Variants in ARSG observed in about 807,000 individuals in gnomAD.
ARSG encodes ASG.
A neutral mutation model predicts 50.5 loss-of-function variants in ARSG; 37 were observed. The observed-to-expected ratio is 0.73, with a 90% CI of 0.56 to 0.96. The LOEUF is 0.96. Among genes scored for constraint, ARSG ranks in the 50% least tolerant of loss-of-function variants. The pLI, the probability that ARSG is intolerant of heterozygous loss-of-function variation, is 0.00. For missense variants in ARSG, 629 were observed against 675.3 expected (o/e 0.93, Z 0.76); for synonymous variants, 225 against 254.6 (o/e 0.88, Z 1.11).
chr17:68,450,675 G>T, the ARSG span: 5 of 1,543,384 alleles, frequency 3.2e-6, no homozygotes, highest in South Asian at 2.5e-5. Flanking sequence ...CCATCTTTTT[G>T]TTTGGCTCCC....
chr17:68,425,119 G>C (rs12948224), downstream of ARSG, among the ~76,000 whole-genome samples: 35,818 of 152,200 alleles, frequency 0.24, 4,267 homozygotes, highest in Middle Eastern at 0.3. Context: ...GTGGGAACAG[G>C]CTGAGCAGGT....
At chr17:68,346,700 A>G in intron 3 of ARSG, 1 of 1,216,166 alleles carries the variant, frequency 8.2e-7, no homozygotes, top group Non-Finnish European at 1.0e-6. Context: ...TGATGAAACC[A>G]GGCAGGAAGC....
intron 1 of ARSG, among the ~76,000 whole-genome samples, chr17:68,265,156 GAAAAAAA>G (rs369928777): frequency 1.1e-3 from 82 of 73,678 alleles, no homozygotes; most frequent in Middle Eastern, 8.9e-3. Context: ...CTCCATCTCA[GAAAAAAA>G]AAAAAAAAAG....
intron 6 of ARSG, among the ~76,000 whole-genome samples, chr17:68,363,894 A>C (rs2079415864): frequency 6.6e-6 from 1 of 152,136 alleles, no homozygotes; most frequent in Non-Finnish European, 1.5e-5. Flanking sequence ...TTATTGCAGC[A>C]GTCCATTTCA....
downstream of ARSG, among the ~76,000 whole-genome samples, chr17:68,423,829 A>G (rs2147696317): frequency 6.6e-6 from 1 of 152,336 alleles, no homozygotes; most frequent in Admixed American, 6.5e-5. The surrounding 1 kb of genome is among the most constrained non-coding windows in gnomAD (Gnocchi z 4.4). Flanking sequence ...TAATATCCAC[A>G]TTACCCCAAT....
At chr17:68,356,322 C>T (rs964637660) in intron 5 of ARSG, among the ~76,000 whole-genome samples, 1 of 152,200 alleles carries the variant, frequency 6.6e-6, no homozygotes, top group African/African-American at 2.4e-5. Context: ...AATGGGGCTA[C>T]TGATTGGTGG....
chr17:68,417,668 A>G (rs2082459651), intron 11 of ARSG, among the ~76,000 whole-genome samples: 1 of 146,288 alleles, frequency 6.8e-6, no homozygotes, highest in African/African-American at 2.5e-5. Context: ...CTGTCTCTCT[A>G]ATTTTGGGGG....
chr17:68,314,811 C>T (rs1375016169), intron 2 of ARSG, among the ~76,000 whole-genome samples: 1 of 152,194 alleles, frequency 6.6e-6, no homozygotes, highest in African/African-American at 2.4e-5. Context: ...GTTATTGTTA[C>T]TAGAAATGTC....
At chr17:68,340,155 T>C (rs1242281545) in intron 2 of ARSG, among the ~76,000 whole-genome samples, 1 of 152,154 alleles carries the variant, frequency 6.6e-6, no homozygotes, top group Non-Finnish European at 1.5e-5. Context: ...AATGTTTAAT[T>C]ACGAATTTTT....
In ARSG at chr17:68,384,852, G is replaced by A. The variant is rs75755428; in HGVS notation, c.983-212G>A. On this transcript the variant is annotated intron_variant, in intron 8 of 11. Coordinates refer to ENST00000621439, the MANE Select transcript of ARSG (RefSeq NM_001267727.2). Reference sequence around the variant, plus strand: ...AAATGAGGTGATTCAGTAGAGTGAGGCAACTTTTTACATCTGAAGTCCAGT... The same window carrying A: ...AAATGAGGTGATTCAGTAGAGTGAGACAACTTTTTACATCTGAAGTCCAGT... 0.051 allele frequency among the ~76,000 whole-genome samples: 7,802 copies of A among 152,192 alleles called. 411 individuals carry two copies. The highest frequency in any genetic ancestry group is 0.15 in the East Asian group (796 of 5,178).
At chr17:68,418,137 G>A (rs1407921453) in intron 11 of ARSG, among the ~76,000 whole-genome samples, 2 of 152,090 alleles carry the variant, frequency 1.3e-5, no homozygotes, top group South Asian at 2.1e-4. Flanking sequence ...CTATTTAGTC[G>A]TCCTTAAAAA....
intron 11 of ARSG, among the ~76,000 whole-genome samples, chr17:68,402,959 A>G (rs965534452): frequency 6.9e-4 from 105 of 152,366 alleles, no homozygotes; most frequent in African/African-American, 2.5e-3. Context: ...AAATAAAAAA[A>G]GGAAAACCTG....
chr17:68,313,028 G>A (rs1181756210), intron 2 of ARSG, among the ~76,000 whole-genome samples: 3 of 152,142 alleles, frequency 2.0e-5, no homozygotes, highest in African/African-American at 2.4e-5. Context: ...TTGGGAGGCC[G>A]AGGCGGGCAG....
intron 1 of ARSG, among the ~76,000 whole-genome samples, chr17:68,262,547 T>C (rs1290300875): frequency 2.7e-5 from 4 of 149,410 alleles, no homozygotes; most frequent in Non-Finnish European, 5.9e-5. Flanking sequence ...CATCAGGCAG[T>C]TCATGCAGGG....
chr17:68,370,016 ATATT>A (rs1269641617), intron 7 of ARSG, among the ~76,000 whole-genome samples: 1 of 151,826 alleles, frequency 6.6e-6, no homozygotes, highest in African/African-American at 2.4e-5. Flanking sequence ...TTATTTATTT[ATATT>A]TATTTATTTT....
At chr17:68,400,630 C>A (rs1192440398) in intron 10 of ARSG, 1 of 152,248 alleles carries the variant, frequency 6.6e-6, no homozygotes, top group East Asian at 1.9e-4. Flanking sequence ...GCCTTGTGGG[C>A]CTGTGACCGG....
At position 68,364,183 on chromosome 17, in the gene ARSG, G is replaced by A. The variant is rs538739550; in HGVS notation, c.705-4365G>A. 2.6e-5 allele frequency among the ~76,000 whole-genome samples: 4 copies of A among 152,098 alleles called. No individual in the cohort carries two copies. The East Asian group carries it at 7.7e-4, about 29-fold the overall frequency. ...TCTCCACACCCTGCCCCATCCTCTT[G>A]CTCTCCTGGAATGTCCCCTCTGTCA... On this transcript the variant is annotated intron_variant, in intron 6 of 11. Transcript: ENST00000621439.
At chr17:68,335,755 T>G (rs1328254016) in intron 2 of ARSG, among the ~76,000 whole-genome samples, 1 of 151,954 alleles carries the variant, frequency 6.6e-6, no homozygotes, top group Non-Finnish European at 1.5e-5. Flanking sequence ...GAAGGTAGGA[T>G]AGTGGGGAGA....
downstream of ARSG, chr17:68,427,307 A>C: frequency 7.5e-7 from 1 of 1,340,864 alleles, no homozygotes; most frequent in Non-Finnish European, 1.1e-6. Context: ...TCATATATCT[A>C]GGACACCTTC....
Sources: gnomAD v4.1 joint callset for allele counts (sites outside exome capture counted in the v4.1 genomes callset) on GRCh38, gnomAD v4.1.1 for gene constraint, Gnocchi (gnomAD v3.1) non-coding constraint, MANE v1.5 for transcripts, NCBI Gene and HGNC (gene_info 2026-07-23, HGNC 2026-07-21) for gene names.